ANK2: variants seen among roughly 807,000 people sequenced by gnomAD.
ANK2 encodes ankyrin 2.
In ANK2, 83 loss-of-function variants were observed where a neutral mutation model predicts 360.5. The observed-to-expected ratio is 0.23, with a 90% CI of 0.19 to 0.28. The LOEUF is 0.28. Ranked by LOEUF, ANK2 falls within the 10% of genes least tolerant of loss-of-function variation. The pLI is 1.00. For missense variants in ANK2, 4,201 were observed against 4,795.7 expected, an observed-to-expected ratio of 0.88 and a Z score of 3.66; for synonymous variants, 1,740 against 1,759.5, an observed-to-expected ratio of 0.99 and a Z score of 0.28.
Position 113,355,746 on chromosome 4 carries a change from A to G in ANK2, c.7128A>G (p.Ser2376=). ...DSEVQESTAT[S]DETKALPLPE... is the part of the protein sequence containing the mutation. ...AGGTTCAAGAATCCACAGCCACCTCAGACGAGACAAAGGCCTTGCCGCTGC... is the reference window on the plus strand; with the variant it reads ...AGGTTCAAGAATCCACAGCCACCTCGGACGAGACAAAGGCCTTGCCGCTGC... Residue 2376 remains serine, a synonymous_variant, in exon 38 of 46, where the codon TCA becomes TCG. Coordinates refer to ENST00000357077, the MANE Select transcript of ANK2 (RefSeq NM_001148.6). The G allele has an allele frequency of 6.2e-7, 1 of 1,614,152 alleles. No homozygotes were observed. The highest frequency in any genetic ancestry group is 8.5e-7 in the Non-Finnish European group (1 of 1,179,984).
chr4:112,773,285 C>T, the ANK2 span, among the ~76,000 whole-genome samples: 1 of 152,104 alleles, frequency 6.6e-6, no homozygotes. Context: ...CTGCTGAACT[C>T]CAGCCTGGAT....
At chr4:112,875,282 A>T (rs1437063767) in intron 1 of ANK2, among the ~76,000 whole-genome samples, 6 of 151,978 alleles carry the variant, frequency 3.9e-5, no homozygotes, top group South Asian at 4.1e-4. Flanking sequence ...GCCTCCCAAA[A>T]TGTTGGCTTA....
At chr4:113,187,811 T>C (rs944161680) in intron 2 of ANK2, among the ~76,000 whole-genome samples, 3 of 152,184 alleles carry the variant, frequency 2.0e-5, no homozygotes, top group Admixed American at 6.5e-5. Flanking sequence ...CAATTAATAT[T>C]TGATAAATGA....
At chr4:112,930,586 G>A (rs892531507) in intron 2 of ANK2, among the ~76,000 whole-genome samples, 3 of 152,010 alleles carry the variant, frequency 2.0e-5, no homozygotes, top group African/African-American at 7.2e-5. Context: ...AAAAATGTAG[G>A]AGTAAGACTT....
intron 14 of ANK2, among the ~76,000 whole-genome samples, chr4:113,267,528 T>C (rs574094341): frequency 6.6e-6 from 1 of 152,234 alleles, no homozygotes; most frequent in Non-Finnish European, 1.5e-5. Flanking sequence ...ATTGCTTGTT[T>C]CTGTCAGATT....
intron 18 of ANK2, 132 bp downstream of exon 18, chr4:113,283,004 C>T: frequency 9.9e-7 from 1 of 1,013,652 alleles, no homozygotes; most frequent in Non-Finnish European, 1.5e-6. Context: ...ACCCCAAGGA[C>T]AGGAAGGGAG....
intron 26 of ANK2, among the ~76,000 whole-genome samples, chr4:113,321,049 G>C (rs1242805813): frequency 6.6e-6 from 1 of 152,154 alleles, no homozygotes; most frequent in Non-Finnish European, 1.5e-5. Context: ...GAAACATCGT[G>C]GTTAATAGTG....
chr4:112,743,513 CCTTCCTTT>C, the ANK2 span, among the ~76,000 whole-genome samples: 1,544 of 144,946 alleles, frequency 0.011, 14 homozygotes, highest in Non-Finnish European at 0.017. Context: ...TTCCTTCCTT[CCTTCCTTT>C]CTTTCTTTCT....
intron 2 of ANK2, among the ~76,000 whole-genome samples, chr4:113,027,319 C>T (rs1174436435): frequency 1.3e-5 from 2 of 152,140 alleles, no homozygotes; most frequent in Non-Finnish European, 2.9e-5. Flanking sequence ...GCTATCTCTC[C>T]TGTGTCTGAA....
chr4:113,378,219 A>T, intron 45 of ANK2: 1 of 1,053,392 alleles, frequency 9.5e-7, no homozygotes, highest in Non-Finnish European at 1.3e-6. Context: ...GCCAACTAAC[A>T]CCATAAAAAT....
At chr4:113,161,571 A>G (rs1213113631) in intron 1 of ANK2, among the ~76,000 whole-genome samples, 1 of 152,190 alleles carries the variant, frequency 6.6e-6, no homozygotes, top group African/African-American at 2.4e-5. Flanking sequence ...GTCACATCCA[A>G]TGAGGATAAA....
At chr4:113,315,292 C>T (rs1413570168) in intron 24 of ANK2, among the ~76,000 whole-genome samples, 1 of 152,200 alleles carries the variant, frequency 6.6e-6, no homozygotes, top group Non-Finnish European at 1.5e-5. Context: ...CTGAAATAGA[C>T]AGACTTGTCT....
intron 1 of ANK2, among the ~76,000 whole-genome samples, chr4:113,098,984 A>T (rs1034864905): frequency 6.6e-6 from 1 of 151,952 alleles, no homozygotes; most frequent in Non-Finnish European, 1.5e-5. Context: ...AATCACAGAA[A>T]ACTAGGAACT....
intron 2 of ANK2, among the ~76,000 whole-genome samples, chr4:113,003,769 C>G (rs114321870): frequency 6.6e-6 from 1 of 152,176 alleles, no homozygotes; most frequent in Non-Finnish European, 1.5e-5. Flanking sequence ...TGTCGCTTAA[C>G]GACAGGGATA....
chr4:112,881,914 C>T (rs2076798129), intron 1 of ANK2: 3 of 698,048 alleles, frequency 4.3e-6, no homozygotes, highest in Non-Finnish European at 7.9e-6. Flanking sequence ...CTCCCATCCA[C>T]CTTGTGTGGC....
the ANK2 span, among the ~76,000 whole-genome samples, chr4:112,730,418 C>T: frequency 2.0e-4 from 30 of 150,168 alleles, no homozygotes; most frequent in Admixed American, 4.0e-4. Context: ...GGCAGATTGC[C>T]TGAGGTCAGG....
At chr4:112,930,968 T>C (rs1056664778) in intron 2 of ANK2, among the ~76,000 whole-genome samples, 1 of 150,448 alleles carries the variant, frequency 6.6e-6, no homozygotes, top group Non-Finnish European at 1.5e-5. Context: ...CATTTACATA[T>C]AGAAAATGTC....
At chr4:112,851,714 C>T (rs990834011) in intron 1 of ANK2, among the ~76,000 whole-genome samples, 2 of 152,064 alleles carry the variant, frequency 1.3e-5, no homozygotes. Context: ...ACTTCCACCC[C>T]CCAGGTTCAA....
At chr4:113,125,354 T>A (rs2095600789) in intron 1 of ANK2, among the ~76,000 whole-genome samples, 1 of 152,138 alleles carries the variant, frequency 6.6e-6, no homozygotes, top group African/African-American at 2.4e-5. Flanking sequence ...GATTTTTGCG[T>A]TTGAAACAAA....
Sources: gnomAD v4.1 joint callset for allele counts (sites outside exome capture counted in the v4.1 genomes callset) on GRCh38, gnomAD v4.1.1 for gene constraint, MANE v1.5 for transcripts, NCBI Gene and HGNC (gene_info 2026-07-23, HGNC 2026-07-21) for gene names.